The following PCDHGA1 variants were observed in gnomAD, a reference collection of about 807,000 sequenced individuals.
The protein encoded by PCDHGA1 is protocadherin gamma subfamily A, 1, also known as protocadherin gamma-A1.
PCDHGA1 carries 32 observed loss-of-function variants against 58.0 expected under a neutral mutation model. That is an observed-to-expected ratio of 0.55 (90% confidence interval 0.42 to 0.74). The LOEUF (loss-of-function observed/expected upper bound fraction) is 0.74, where lower values mean the gene tolerates loss of function less well. Ranked by LOEUF, PCDHGA1 falls within the 30% of genes least tolerant of loss-of-function variation. The pLI is 0.00. For missense variants in PCDHGA1, 1,205 were observed against 1,182.3 expected, an observed-to-expected ratio of 1.02 and a Z score of -0.28; for synonymous variants, 498 against 501.1, an observed-to-expected ratio of 0.99 and a Z score of 0.08.
rs537850909 is a variant in PCDHGA1 at position 141,441,865 on chromosome 5, G to A, written c.2422-52942G>A. ...CTTGGATATGGTGCTGCACGCCGCG[G>A]AGCCTGGCTACCTGGTCACCAAGGT... On this transcript the variant is annotated intron_variant, in intron 1 of 3. Coordinates refer to ENST00000517417, the MANE Select transcript of PCDHGA1 (RefSeq NM_018912.3). The A allele has an allele frequency of 4.0e-4, 138 of 345,718 alleles. 1 individual carries two copies. The Admixed American group carries it at 4.6e-3, about 12-fold the overall frequency. The allele number at this position is 345,718 out of a possible 1,614,324, so 21.4% of individuals were successfully genotyped here. A position where few individuals can be genotyped will look rare whatever the true frequency, so the allele number is the denominator to read the frequency against.
chr5:141,370,719 GTTGCTGA>G, intron 1 of PCDHGA1: 1 of 1,613,852 alleles, frequency 6.2e-7, no homozygotes. Flanking sequence ...ATTTGAAATG[GTTGCTGA>G]AAAGCCTTTA....
intron 1 of PCDHGA1, chr5:141,376,073 GTGGCCGACAGGATCCCCGACATCC>G: frequency 1.2e-6 from 2 of 1,613,508 alleles, no homozygotes; most frequent in Non-Finnish European, 1.7e-6. Flanking sequence ...CACCGTGGCC[GTGGCCGACAGGATCCCCGACATCC>G]TGGCCGACCT....
At chr5:141,435,503 A>G (rs2097767522) in intron 1 of PCDHGA1, among the ~76,000 whole-genome samples, 1 of 152,170 alleles carries the variant, frequency 6.6e-6, no homozygotes, top group Non-Finnish European at 1.5e-5. Context: ...TACACTAATG[A>G]TACTAATGAT....
At position 141,346,438 on chromosome 5, in the gene PCDHGA1, G is replaced by C; in HGVS notation, c.2421+13333G>C. On this transcript the variant is annotated intron_variant, in intron 1 of 3. Coordinates refer to ENST00000517417, the MANE Select transcript of PCDHGA1 (RefSeq NM_018912.3). ...ACTCAGGATTTACTTGAAATGAAAG[G>C]AGATTCCAACCTACTTCAGGTGAGT... The C allele has an allele frequency of 1.9e-6, 3 of 1,614,230 alleles. No individual in the cohort carries two copies. In the Middle Eastern group the frequency reaches 4.9e-4, roughly 266 times the overall value.
At chr5:141,440,106 T>A (rs1288263875) in intron 1 of PCDHGA1, 1 of 152,228 alleles carries the variant, frequency 6.6e-6, no homozygotes, top group East Asian at 1.9e-4. Flanking sequence ...AGTGGAGACT[T>A]ACTTGTGAAT....
At chr5:141,370,921 C>G in intron 1 of PCDHGA1, 1 of 1,613,978 alleles carries the variant, frequency 6.2e-7, no homozygotes, top group Non-Finnish European at 8.5e-7. Flanking sequence ...AGCCCTGATC[C>G]GCACTTCTCT....
At chr5:141,504,476 A>G (rs998883721) in intron 2 of PCDHGA1, among the ~76,000 whole-genome samples, 4 of 152,016 alleles carry the variant, frequency 2.6e-5, no homozygotes, top group African/African-American at 9.7e-5. Context: ...GGATGGGAGT[A>G]CAGTGGAGGC....
At chr5:141,383,710 G>T in intron 1 of PCDHGA1, 1 of 1,613,992 alleles carries the variant, frequency 6.2e-7, no homozygotes, top group South Asian at 1.1e-5. Context: ...CGACCTGGAC[G>T]AGGGAGTCAA....
intron 1 of PCDHGA1, among the ~76,000 whole-genome samples, chr5:141,456,857 G>A (rs957526443): frequency 6.6e-5 from 10 of 152,234 alleles, no homozygotes; most frequent in African/African-American, 2.4e-4. Context: ...CAGCTAATTG[G>A]GAGGCTGAGG....
chr5:141,362,481 T>C (rs1372374751), intron 1 of PCDHGA1: 16 of 1,613,962 alleles, frequency 9.9e-6, no homozygotes, highest in Non-Finnish European at 1.4e-5. Context: ...ATCTCGTCTG[T>C]GACAATGCCT....
rs769641310 is a variant in PCDHGA1, at chr5:141,477,421, T to G, written c.2422-17386T>G. 1.7e-5 allele frequency: 28 copies of G among 1,614,172 alleles called. No individual in the cohort carries two copies. Among genetic ancestry groups the G allele is most frequent in the Non-Finnish European group, 2.3e-5 (27 of 1,180,028 alleles). On this transcript the variant is annotated intron_variant, in intron 1 of 3. Coordinates refer to ENST00000517417, the MANE Select transcript of PCDHGA1 (RefSeq NM_018912.3). The surrounding 1 kb of genome is among the most constrained non-coding windows in gnomAD (Gnocchi z 4.9). ...TCACCGCCCGAGACGCCGGAACCCC[T>G]TCCCTCTCAGCCCTTACAATAGTGC...
intron 1 of PCDHGA1, chr5:141,390,092 G>A (rs1469999630): frequency 1.9e-6 from 3 of 1,613,918 alleles, no homozygotes; most frequent in African/African-American, 2.7e-5. Context: ...CCGAATCCGT[G>A]GTTCCCCCCA....
intron 1 of PCDHGA1, chr5:141,383,390 C>A: frequency 6.2e-7 from 1 of 1,614,006 alleles, no homozygotes; most frequent in South Asian, 1.1e-5. Flanking sequence ...GATGTGGGCA[C>A]GAACTCCCTC....
chr5:141,418,707 G>T (rs2096282239), intron 1 of PCDHGA1: 1 of 1,614,016 alleles, frequency 6.2e-7, no homozygotes, highest in Non-Finnish European at 8.5e-7. Context: ...TCCTTCTTTG[G>T]TGTGGCTGAC....
chr5:141,389,675 A>C, intron 1 of PCDHGA1: 1 of 1,612,412 alleles, frequency 6.2e-7, no homozygotes, highest in Non-Finnish European at 8.5e-7. Flanking sequence ...CAGACTCAGG[A>C]CACAACGCCT....
At chr5:141,394,962 A>C (rs971000405) in intron 1 of PCDHGA1, 1 of 1,613,828 alleles carries the variant, frequency 6.2e-7, no homozygotes, top group Non-Finnish European at 8.5e-7. Context: ...GCTCAGGCTG[A>C]GGCGCTGGCA....
intron 1 of PCDHGA1, chr5:141,351,550 C>T (rs1173991946): frequency 1.2e-5 from 19 of 1,613,940 alleles, no homozygotes; most frequent in Non-Finnish European, 1.5e-5. Context: ...CCCTTTCCTC[C>T]AGGACAAGCA....
intron 1 of PCDHGA1, chr5:141,339,804 T>C (rs1437819461): frequency 1.2e-6 from 2 of 1,614,068 alleles, no homozygotes; most frequent in African/African-American, 2.7e-5. Flanking sequence ...GCTCAAGTGG[T>C]ATATTTTCTA....
At chr5:141,389,326 C>T (rs763831269) in intron 1 of PCDHGA1, 1 of 1,613,994 alleles carries the variant, frequency 6.2e-7, no homozygotes, top group Admixed American at 1.7e-5. Flanking sequence ...GACTTGGGGC[C>T]CAACGGCCAA....
Sources: allele counts gnomAD v4.1 joint callset (sites outside exome capture counted in the v4.1 genomes callset), GRCh38; gene constraint gnomAD v4.1.1; non-coding constraint Gnocchi (gnomAD v3.1); transcripts MANE v1.5; gene names NCBI Gene and HGNC (gene_info 2026-07-23, HGNC 2026-07-21).